PRKD1: variants seen among roughly 807,000 people sequenced by gnomAD.
The protein encoded by PRKD1 is serine/threonine-protein kinase D1.
PRKD1 carries 63 observed loss-of-function variants against 95.9 expected under a neutral mutation model. The ratio of observed to expected loss-of-function variants is 0.66; its 90% CI spans 0.54 to 0.81. The LOEUF is 0.81. Ranked by LOEUF, PRKD1 falls within the 30% of genes least tolerant of loss-of-function variation. PRKD1 has a pLI of 0.00. For synonymous variants in PRKD1, 425 were observed against 423.1 expected (o/e 1.00, Z -0.05); for missense variants, 1,048 against 1,165.3 (o/e 0.90, Z 1.47).
intron 1 of PRKD1, among the ~76,000 whole-genome samples, chr14:29,764,614 C>T (rs1030547077): frequency 2.0e-4 from 31 of 152,168 alleles, no homozygotes; most frequent in Admixed American, 1.7e-3. Context: ...GCAGAAGGAA[C>T]GGAAGAGGCA....
At chr14:29,663,227 T>C (rs1054691215) in intron 4 of PRKD1, among the ~76,000 whole-genome samples, 1 of 150,252 alleles carries the variant, frequency 6.7e-6, no homozygotes, top group Non-Finnish European at 1.5e-5. Context: ...ACAGGACTTA[T>C]CAATCAGTTT....
rs1594331587 is a variant in PRKD1 at position 29,576,930 on chromosome 14, A to G, written c.*308T>C. ...TCTCTTACCAAAATGAAGCTCCAGT[A>G]AGAAAAACACTGATTTGCAAAGGCA... On this transcript the variant is annotated 3_prime_UTR_variant, in exon 18 of 18. Coordinates refer to ENST00000331968, the MANE Select transcript of PRKD1 (RefSeq NM_002742.3). 2.7e-6 allele frequency: 1 copy of G among 370,898 alleles called. No homozygotes were observed. Among genetic ancestry groups the G allele is most frequent in the East Asian group, 5.8e-5 (1 of 17,228 alleles). The allele number at this position is 370,898 out of a possible 1,614,324, so 23.0% of individuals were successfully genotyped here.
At chr14:29,871,906 C>A (rs954352754) in intron 1 of PRKD1, among the ~76,000 whole-genome samples, 40 of 152,194 alleles carry the variant, frequency 2.6e-4, no homozygotes, top group African/African-American at 8.0e-4. Context: ...CTACCACCTA[C>A]TAATCCAGTT....
chr14:29,808,372 A>C (rs1374026345), intron 1 of PRKD1, among the ~76,000 whole-genome samples: 485 of 27,734 alleles, frequency 0.017, 2 homozygotes, highest in African/African-American at 0.057. Flanking sequence ...TTCAGGCTCT[A>C]CTTTTTTTTT....
At chr14:29,754,849 C>T (rs902783377) in intron 1 of PRKD1, among the ~76,000 whole-genome samples, 1 of 151,882 alleles carries the variant, frequency 6.6e-6, no homozygotes. Flanking sequence ...ATTTTTTATC[C>T]AACTGATATT....
chr14:29,815,576 C>T (rs1890654770), intron 1 of PRKD1, among the ~76,000 whole-genome samples: 1 of 152,238 alleles, frequency 6.6e-6, no homozygotes, highest in Non-Finnish European at 1.5e-5. Context: ...GGAACATTCA[C>T]TAAGGATTCA....
chr14:29,720,656 T>C (rs778568047), intron 2 of PRKD1, among the ~76,000 whole-genome samples: 1 of 151,904 alleles, frequency 6.6e-6, no homozygotes, highest in Non-Finnish European at 1.5e-5. Flanking sequence ...GGTGTGCGCC[T>C]GTAATCCCAG....
At position 29,591,295 on chromosome 14, in the gene PRKD1, AAAG is replaced by A. The variant is rs1393764788; in HGVS notation, c.2434+6193_2434+6195del. 3.9e-5 allele frequency: 6 copies of A among 152,296 alleles called. No homozygotes were observed. The South Asian group carries it at 6.2e-4, about 16-fold the overall frequency. The allele number at this position is 152,296 out of a possible 1,614,324, so 9.4% of individuals were successfully genotyped here. ...CATGTCCTGATATTGTATATCTGAT[AAAG>A]AAGATGATAAAGATACAAAAATATT... On this transcript the variant is annotated intron_variant, in intron 16 of 17. Coordinates refer to ENST00000331968, the MANE Select transcript of PRKD1 (RefSeq NM_002742.3).
At chr14:29,580,718 T>G (rs1461005907) in intron 16 of PRKD1, among the ~76,000 whole-genome samples, 3 of 152,176 alleles carry the variant, frequency 2.0e-5, no homozygotes, top group Non-Finnish European at 4.4e-5. Context: ...CTAAACATTT[T>G]TGAACACAGT....
chr14:29,820,416 T>A (rs1890866520), intron 1 of PRKD1, among the ~76,000 whole-genome samples: 1 of 152,232 alleles, frequency 6.6e-6, no homozygotes, highest in South Asian at 2.1e-4. Context: ...CTGAGAAGGC[T>A]TCAGTGAATA....
intron 1 of PRKD1, among the ~76,000 whole-genome samples, chr14:29,827,166 T>C (rs1192338503): frequency 6.6e-6 from 1 of 151,732 alleles, no homozygotes. Context: ...ATTTCATAGT[T>C]CATCACTAAA....
chr14:29,580,029 G>C (rs1260554781), intron 16 of PRKD1, among the ~76,000 whole-genome samples: 2 of 152,190 alleles, frequency 1.3e-5, no homozygotes, highest in Non-Finnish European at 2.9e-5. Context: ...TGGAGGACAA[G>C]GAGTGAAGGG....
chr14:29,578,712 G>A (rs1208907538), intron 16 of PRKD1, among the ~76,000 whole-genome samples: 1 of 151,856 alleles, frequency 6.6e-6, no homozygotes. Context: ...TACAATATGG[G>A]CAGGATAAAA....
chr14:29,659,171 T>A (rs79308693), intron 4 of PRKD1, among the ~76,000 whole-genome samples: 2,167 of 152,306 alleles, frequency 0.014, 54 homozygotes, highest in African/African-American at 0.049. Flanking sequence ...CCAGTTGATA[T>A]CCCACCTTAG....
intron 9 of PRKD1, among the ~76,000 whole-genome samples, chr14:29,631,492 A>C (rs1182478378): frequency 1.3e-5 from 2 of 150,550 alleles, no homozygotes; most frequent in African/African-American, 2.5e-5. Flanking sequence ...GATTGGTTTT[A>C]AAATGGTCTT....
intron 1 of PRKD1, among the ~76,000 whole-genome samples, chr14:29,906,893 C>G (rs1307514853): frequency 6.6e-6 from 1 of 152,200 alleles, no homozygotes; most frequent in Non-Finnish European, 1.5e-5. Context: ...TTTATTGTTT[C>G]CTCAGCATCA....
intron 1 of PRKD1, among the ~76,000 whole-genome samples, chr14:29,867,168 C>A (rs533786802): frequency 6.6e-6 from 1 of 152,266 alleles, no homozygotes; most frequent in African/African-American, 2.4e-5. Context: ...TAAATTCCTT[C>A]CCAACATCAT....
At chr14:29,581,813 T>A (rs1467821433) in intron 16 of PRKD1, among the ~76,000 whole-genome samples, 1 of 152,180 alleles carries the variant, frequency 6.6e-6, no homozygotes, top group Non-Finnish European at 1.5e-5. Context: ...TCACACCGAA[T>A]AAGCCCATCT....
intron 1 of PRKD1, among the ~76,000 whole-genome samples, chr14:29,879,278 G>C (rs149131012): frequency 1.4e-4 from 21 of 152,328 alleles, no homozygotes; most frequent in Admixed American, 1.2e-3. Flanking sequence ...CCACATGTGG[G>C]AGGGACCGCG....
Sources: gnomAD v4.1 joint callset for allele counts (sites outside exome capture counted in the v4.1 genomes callset) on GRCh38, gnomAD v4.1.1 for gene constraint, MANE v1.5 for transcripts, NCBI Gene and HGNC (gene_info 2026-07-23, HGNC 2026-07-21) for gene names.